The following DIP2B variants were observed in gnomAD, a reference collection of about 807,000 sequenced individuals.
DIP2B encodes the protein DIP2 acetate--CoA ligase B (putative).
In DIP2B, 76 loss-of-function variants were observed where a neutral mutation model predicts 198.0. That is an observed-to-expected ratio of 0.38 (90% confidence interval 0.32 to 0.46). The LOEUF (loss-of-function observed/expected upper bound fraction) is 0.46. Among genes scored for constraint, DIP2B ranks in the 20% least tolerant of loss-of-function variants. DIP2B has a pLI of 0.99. For missense variants in DIP2B, 1,559 were observed against 1,978.4 expected, an observed-to-expected ratio of 0.79 and a Z score of 4.02; for synonymous variants, 701 against 739.1, an observed-to-expected ratio of 0.95 and a Z score of 0.84.
intron 14 of DIP2B, 77 bp from the exon 15 acceptor site, chr12:50,695,190 A>G: frequency 8.4e-7 from 1 of 1,187,246 alleles, no homozygotes; most frequent in South Asian, 1.4e-5. Flanking sequence ...AAAATTGCTA[A>G]CAAAATACCA....
At chr12:50,713,803 G>GTGGCT (rs11275016) in intron 22 of DIP2B, among the ~76,000 whole-genome samples, 134,592 of 151,852 alleles carry the variant, frequency 0.89, 60,502 homozygotes, top group Non-Finnish European at 0.98. Flanking sequence ...GCTGGGCATG[G>GTGGCT]TATGACAGTA....
chr12:50,659,321 C>T (rs959914821), intron 3 of DIP2B, among the ~76,000 whole-genome samples: 4 of 152,100 alleles, frequency 2.6e-5, no homozygotes, highest in African/African-American at 9.7e-5. Flanking sequence ...TCTCATTGGT[C>T]TAGCTCTTAT....
At chr12:50,665,607 A>T (rs539631789) in intron 4 of DIP2B, among the ~76,000 whole-genome samples, 51 of 152,182 alleles carry the variant, frequency 3.4e-4, no homozygotes, top group African/African-American at 1.2e-3. Flanking sequence ...ATTCCTTCAT[A>T]GTGCTAAATA....
rs777555006 is a variant in DIP2B, at chr12:50,724,822, A to G, written c.3336A>G (p.Leu1112=). The change falls in exon 28 of 38, where the codon CTA becomes CTG. Residue 1112 remains leucine (L), a synonymous_variant. Coordinates refer to ENST00000301180, the MANE Select transcript of DIP2B (RefSeq NM_173602.3). The part of the protein sequence containing the change: ...CILTSQTLMR[L]LRSREAAAAV... ...TCACCAGTCAGACCCTAATGAGGCT[A>G]CTGAGGTCCCGAGAGGCAGCAGCAG... 6 of 1,614,176 alleles carry G rather than the reference A, an allele frequency of 3.7e-6. No individual in the cohort carries two copies. The highest frequency in any genetic ancestry group is 4.5e-5 in the East Asian group (2 of 44,880).
At chr12:50,517,017 C>T (rs1291777192) in intron 1 of DIP2B, among the ~76,000 whole-genome samples, 5 of 151,672 alleles carry the variant, frequency 3.3e-5, no homozygotes, top group African/African-American at 4.8e-5. Context: ...CCCGGGTTCA[C>T]GCCATTCTCC....
At chr12:50,693,141 C>A in intron 14 of DIP2B, 128 bp downstream of exon 14, 1 of 890,064 alleles carries the variant, frequency 1.1e-6, no homozygotes, top group Non-Finnish European at 1.7e-6. Flanking sequence ...TAATATTTTC[C>A]AGAGGCTATA....
At position 50,678,816 on chromosome 12, in the gene DIP2B, A is replaced by G; in HGVS notation, c.1054A>G (p.Lys352Glu). Residue 352 changes from lysine to glutamate, a missense_variant, in exon 8 of 38, where the codon AAA becomes GAA. Lys to Glu is a moderately conservative substitution (Grantham distance 56). Transcript: ENST00000301180. The part of the protein sequence containing the change: ...ALQRWGTTQA[K>E]CSCLTALDMT... ...GCAGCGCTGGGGTACCACTCAAGCA[A>G]AATGCTCCTGTCTGACTGCACTGGA... 1.9e-6 allele frequency: 3 copies of G among 1,614,186 alleles called. No individual in the cohort carries two copies. Among genetic ancestry groups the G allele is most frequent in the Admixed American group, 3.3e-5 (2 of 60,026 alleles).
chr12:50,554,754 G>A (rs1350051955), intron 1 of DIP2B, among the ~76,000 whole-genome samples: 1 of 151,224 alleles, frequency 6.6e-6, no homozygotes, highest in Non-Finnish European at 1.5e-5. Context: ...AAGACATCTC[G>A]CCGCTCCCCC....
chr12:50,583,052 G>A (rs960607702), intron 1 of DIP2B, among the ~76,000 whole-genome samples: 1 of 152,132 alleles, frequency 6.6e-6, no homozygotes, highest in Non-Finnish European at 1.5e-5. Flanking sequence ...AATGTTTACC[G>A]TATACACAAA....
At chr12:50,652,505 T>C (rs2139502139) in intron 3 of DIP2B, among the ~76,000 whole-genome samples, 1 of 151,992 alleles carries the variant, frequency 6.6e-6, no homozygotes, top group East Asian at 1.9e-4. Context: ...CATTGCACTC[T>C]AGCCTGGGCG....
intron 3 of DIP2B, 149 bp downstream of exon 3, chr12:50,641,001 T>C (rs1435069698): frequency 9.8e-7 from 1 of 1,019,882 alleles, no homozygotes; most frequent in Non-Finnish European, 1.4e-6. Context: ...ATTTATTTTG[T>C]ACCCTACTAT....
chr12:50,731,617 G>C, intron 31 of DIP2B, 80 bp downstream of exon 31: 7 of 1,460,186 alleles, frequency 4.8e-6, no homozygotes, highest in Non-Finnish European at 6.4e-6. Flanking sequence ...CCAGAGCAGG[G>C]GCTAACAGAC....
intron 29 of DIP2B, 110 bp from the exon 30 acceptor site, chr12:50,728,438 C>T: frequency 1.6e-6 from 2 of 1,264,240 alleles, no homozygotes; most frequent in Non-Finnish European, 2.1e-6. Context: ...AAAAATTATG[C>T]ATTGTTTTGA....
chr12:50,625,903 A>C, intron 1 of DIP2B, 73 bp from the exon 2 acceptor site: 1 of 1,495,208 alleles, frequency 6.7e-7, no homozygotes, highest in Non-Finnish European at 9.3e-7. Context: ...CTCTGTAATT[A>C]ATTTTATTTT....
At position 50,747,538 on chromosome 12, in the gene DIP2B, T is replaced by G. The variant is rs528299629; in HGVS notation, c.*2699T>G. ...GGTGTTTGTGGGATCACCTGCAGAT[T>G]TAAAGCCTACTCTGCCACAGACTCG... On this transcript the variant is annotated 3_prime_UTR_variant, in exon 38 of 38. Transcript: ENST00000301180. 6.6e-6 allele frequency: 1 copy of G among 152,300 alleles called. No individual in the cohort carries two copies. Among genetic ancestry groups the G allele is most frequent in the South Asian group, 2.1e-4 (1 of 4,824 alleles). 9.4% of individuals were successfully genotyped at this position (152,300 alleles called of 1,614,324 possible).
At chr12:50,622,662 ACAGCGGTGTGAT>A (rs1373080906) in intron 1 of DIP2B, among the ~76,000 whole-genome samples, 3 of 152,136 alleles carry the variant, frequency 2.0e-5, no homozygotes, top group Admixed American at 1.3e-4. Flanking sequence ...AGGCTGGAGT[ACAGCGGTGTGAT>A]CTCAGCTCAC....
At chr12:50,694,953 G>T (rs114349259) in intron 14 of DIP2B, among the ~76,000 whole-genome samples, 2,023 of 152,064 alleles carry the variant, frequency 0.013, 47 homozygotes, top group African/African-American at 0.046. Context: ...TGTATAATAT[G>T]ATGTCTTTTA....
At chr12:50,654,543 T>C (rs971919009) in intron 3 of DIP2B, among the ~76,000 whole-genome samples, 8 of 151,912 alleles carry the variant, frequency 5.3e-5, no homozygotes, top group Non-Finnish European at 8.8e-5. Flanking sequence ...GTAGAGGTAG[T>C]GTTTTATTAT....
intron 2 of DIP2B, among the ~76,000 whole-genome samples, chr12:50,631,180 G>C (rs1417178716): frequency 1.3e-5 from 2 of 151,076 alleles, no homozygotes; most frequent in Admixed American, 1.3e-4. Flanking sequence ...GCTGGAGTGC[G>C]GTGCTGTGAT....
Sources: gnomAD v4.1 joint callset for allele counts (sites outside exome capture counted in the v4.1 genomes callset) on GRCh38, gnomAD v4.1.1 for gene constraint, MANE v1.5 for transcripts, NCBI Gene and HGNC (gene_info 2026-07-23, HGNC 2026-07-21) for gene names.